PGA5: variants seen among roughly 807,000 people sequenced by gnomAD.
The protein encoded by PGA5 is pepsin A-5.
A neutral mutation model predicts 15.9 loss-of-function variants in PGA5; 19 were observed. The ratio of observed to expected loss-of-function variants is 1.19; its 90% confidence interval spans 0.83 to 1.75. The LOEUF is 1.75. Ranked by LOEUF, PGA5 falls within the 40% of genes most tolerant of loss-of-function variation. The pLI is 0.00. For synonymous variants in PGA5, 92 were observed against 95.8 expected (o/e 0.96, Z 0.23); for missense variants, 224 against 246.4 (o/e 0.91, Z 0.61).
At chr11:61,250,273 G>A (rs149660545) in intron 8 of PGA5, among the ~76,000 whole-genome samples, 23 of 151,270 alleles carry the variant, frequency 1.5e-4, no homozygotes, top group Non-Finnish European at 2.8e-4. Context: ...GGACCCCTGC[G>A]TCCAAGTCCT....
At chr11:61,245,517 G>T in intron 4 of PGA5, 1 of 4,192 alleles carries the variant, frequency 2.4e-4, no homozygotes, top group Admixed American at 7.8e-4. Flanking sequence ...GGGAGAGTCA[G>T]TAAAGGCTCA....
rs776342004 is a variant in PGA5 at position 61,248,289 on chromosome 11, C to T, written c.657-130C>T. 9 of 1,608,026 alleles carry T rather than the reference C, an allele frequency of 5.6e-6. 1 individual carries two copies. Among genetic ancestry groups the T allele is most frequent in the African/African-American group, 2.7e-5 (2 of 74,462 alleles). On this transcript the variant is annotated intron_variant, in intron 5 of 8. Transcript: ENST00000312403. ...GGCCCTGGCCTAAGAGGAAAAGAAA[C>T]CACATTGGTCACACCCCAGGACAGC...
Position 61,247,310 on chromosome 11 carries a change from G to A in PGA5, c.657-1109G>A, listed in dbSNP as rs999971413. Reference sequence around the variant, plus strand: ...TTTTTTTTTTTTGTGATGGGGTCTCGCTCTGTCGCCCAGGCTGGAGTGCAG... The same window carrying A: ...TTTTTTTTTTTTGTGATGGGGTCTCACTCTGTCGCCCAGGCTGGAGTGCAG... On this transcript the variant is annotated intron_variant, in intron 5 of 8. Coordinates refer to ENST00000312403, the MANE Select transcript of PGA5 (RefSeq NM_014224.5). 1.2e-4 allele frequency among the ~76,000 whole-genome samples: 18 copies of A among 149,142 alleles called. 1 individual carries two copies. The highest frequency in any genetic ancestry group is 3.8e-4 in the African/African-American group (15 of 39,992).
At chr11:61,246,474 A>G (rs949278175) in intron 5 of PGA5, among the ~76,000 whole-genome samples, 16 of 151,976 alleles carry the variant, frequency 1.1e-4, no homozygotes, top group Middle Eastern at 3.4e-3. Flanking sequence ...GAATACAGTT[A>G]GCCAGGCATG....
At position 61,249,856 on chromosome 11, in the gene PGA5, G is replaced by A. The variant is rs763770356; in HGVS notation, c.918+43G>A. On this transcript the variant is annotated intron_variant, in intron 7 of 8. Coordinates refer to ENST00000312403, the MANE Select transcript of PGA5 (RefSeq NM_014224.5). ...TGCCCTGTTCTACACTCAAGTAGTG[G>A]GTGTGCCAGGCAGAAGCGACGAAAA... The A allele has an allele frequency of 2.4e-5, 39 of 1,613,548 alleles. No individual in the cohort carries two copies. In the South Asian group the frequency reaches 4.0e-4, roughly 16 times the overall value.
intron 8 of PGA5, chr11:61,250,674 T>C: frequency 2.2e-6 from 1 of 462,376 alleles, no homozygotes; most frequent in South Asian, 1.5e-5. Flanking sequence ...GCCTGAGCAA[T>C]GGGATGGGGC....
At position 61,249,740 on chromosome 11, in the gene PGA5, T is replaced by C; in HGVS notation, c.845T>C (p.Leu282Pro). 1 of 1,613,582 alleles carries C rather than the reference T, an allele frequency of 6.2e-7. No individual in the cohort carries two copies. Among genetic ancestry groups the C allele is most frequent in the Non-Finnish European group, 8.5e-7 (1 of 1,179,852 alleles). ...GCCATTGTTGACACCGGCACCTCTC[T>C]GCTGACCGGCCCAACCAGCCCCATT... ...CQAIVDTGTS[L>P]LTGPTSPIAN... The change falls in exon 7 of 9, where the codon CTG (leucine) becomes CCG (proline). Residue 282 changes from leucine (L) to proline (P), a missense_variant. Physicochemically the swap from Leu to Pro is moderately conservative, Grantham distance 98. Transcript: ENST00000312403.
At chr11:61,250,768 T>C in intron 8 of PGA5, 1 of 492,120 alleles carries the variant, frequency 2.0e-6, no homozygotes, top group Non-Finnish European at 4.0e-6. Flanking sequence ...TAATAGCTCA[T>C]CTGGTTTGTC....
At position 61,248,473 on chromosome 11, in the gene PGA5, C is replaced by T. The variant is rs1269350012; in HGVS notation, c.711C>T (p.Tyr237=). ...VIFGGIDSSY[Y]TGSLNWVPVT... Reference sequence around the variant, plus strand: ...TTGGTGGCATTGACTCTTCTTACTACACTGGAAGTCTGAACTGGGTGCCTG... The same window carrying T: ...TTGGTGGCATTGACTCTTCTTACTATACTGGAAGTCTGAACTGGGTGCCTG... Residue 237 remains tyrosine, a synonymous_variant, in exon 6 of 9, where the codon TAC becomes TAT. Transcript: ENST00000312403. 3.1e-6 allele frequency: 5 copies of T among 1,613,640 alleles called. No homozygotes were observed. The highest frequency in any genetic ancestry group is 2.5e-6 in the Non-Finnish European group (3 of 1,179,876).
At chr11:61,251,077 G>A (rs571194142) in intron 8 of PGA5, 55 bp from the exon 9 acceptor site, 28 of 1,611,648 alleles carry the variant, frequency 1.7e-5, no homozygotes, top group African/African-American at 1.5e-4. Context: ...ATCACCCAGC[G>A]CCTATCACGG....
At position 61,248,005 on chromosome 11, in the gene PGA5, C is replaced by T. The variant is rs151214348; in HGVS notation, c.657-414C>T. On this transcript the variant is annotated intron_variant, in intron 5 of 8. Coordinates refer to ENST00000312403, the MANE Select transcript of PGA5 (RefSeq NM_014224.5). ...AGACATGCCCCTGGGGGCAAAACTG[C>T]TCCCAGCTAAGAACCAGTGACCTCC... The T allele has an allele frequency of 1.2e-3, 686 of 594,156 alleles. 11 individuals carry two copies. In the African/African-American group the frequency reaches 0.012, roughly 10 times the overall value. 36.8% of individuals were successfully genotyped at this position (594,156 alleles called of 1,614,324 possible). A position where few individuals can be genotyped will look rare whatever the true frequency, so the allele number is the denominator to read the frequency against.
At chr11:61,248,397 C>G in intron 5 of PGA5, 22 bp from the exon 6 acceptor site, 1 of 1,613,866 alleles carries the variant, frequency 6.2e-7, no homozygotes, top group South Asian at 1.1e-5. Context: ...AAATTCATGT[C>G]TTCTCCCCTC....
Position 61,247,986 on chromosome 11 carries a change from G to T in PGA5, c.657-433G>T, listed in dbSNP as rs186673051. 2,757 of 583,818 alleles carry T rather than the reference G, an allele frequency of 4.7e-3. 16 individuals carry two copies. The highest frequency in any genetic ancestry group is 5.4e-3 in the Non-Finnish European group (1,772 of 327,850). The allele number at this position is 583,818 out of a possible 1,614,324, so 36.2% of individuals were successfully genotyped here. ...GACAATCCAAAATGTCTCCAGACATGCCCCTGGGGGCAAAACTGCTCCCAG... is the reference window on the plus strand; with the variant it reads ...GACAATCCAAAATGTCTCCAGACATTCCCCTGGGGGCAAAACTGCTCCCAG... On this transcript the variant is annotated intron_variant, in intron 5 of 8. Coordinates refer to ENST00000312403, the MANE Select transcript of PGA5 (RefSeq NM_014224.5).
chr11:61,250,687 C>T (rs919679508), intron 8 of PGA5: 18 of 463,552 alleles, frequency 3.9e-5, no homozygotes, highest in African/African-American at 7.9e-5. Context: ...GATGGGGCTG[C>T]GGGGGTTCAA....
intron 5 of PGA5, among the ~76,000 whole-genome samples, 197 bp downstream of exon 5, chr11:61,246,342 G>A (rs1159883435): frequency 6.7e-6 from 1 of 150,194 alleles, no homozygotes; most frequent in African/African-American, 2.5e-5. Flanking sequence ...CGGGCCATGT[G>A]CACTCCATCT....
Position 61,250,031 on chromosome 11 carries a change from C to A in PGA5, c.1017+17C>A. ...ATCCTGCAGGTGAGGAGGCTCTGGA[C>A]CATCCACTAGAGAGGTTCACACAGA... On this transcript the variant is annotated intron_variant, in intron 8 of 8. Coordinates refer to ENST00000312403, the MANE Select transcript of PGA5 (RefSeq NM_014224.5). The A allele has an allele frequency of 6.2e-7, 1 of 1,605,352 alleles. No individual in the cohort carries two copies. Among genetic ancestry groups the A allele is most frequent in the South Asian group, 1.1e-5 (1 of 90,082 alleles).
intron 6 of PGA5, chr11:61,249,436 G>A: frequency 1.3e-6 from 1 of 788,066 alleles, no homozygotes; most frequent in South Asian, 1.8e-5. Flanking sequence ...GGAACTGTGA[G>A]GCTGTCTTGT....
chr11:61,249,388 C>T, intron 6 of PGA5: 1 of 574,718 alleles, frequency 1.7e-6, no homozygotes, highest in Non-Finnish European at 3.1e-6. Flanking sequence ...GCCAACATAA[C>T]TTATCTTGCC....
chr11:61,246,152 T>A lies in PGA5; in HGVS notation c.656+7T>A, dbSNP rs1854062637. ...TCTCTGTCTACCTCAGCGCGTAAGTTGAGTGGAGAGGGGCCTCCTCCCACC... is the reference window on the plus strand; with the variant it reads ...TCTCTGTCTACCTCAGCGCGTAAGTAGAGTGGAGAGGGGCCTCCTCCCACC... On this transcript the variant is annotated splice_region_variant and intron_variant, in intron 5 of 8. Coordinates refer to ENST00000312403, the MANE Select transcript of PGA5 (RefSeq NM_014224.5). The A allele has an allele frequency of 2.6e-6, 1 of 381,966 alleles. No homozygotes were observed. The highest frequency in any genetic ancestry group is 4.7e-6 in the Non-Finnish European group (1 of 214,104). 23.7% of individuals were successfully genotyped at this position (381,966 alleles called of 1,614,324 possible). A position where few individuals can be genotyped will look rare whatever the true frequency, so the allele number is the denominator to read the frequency against.
Sources: gnomAD v4.1 joint callset for allele counts (sites outside exome capture counted in the v4.1 genomes callset) on GRCh38, gnomAD v4.1.1 for gene constraint, MANE v1.5 for transcripts, NCBI Gene and HGNC (gene_info 2026-07-23, HGNC 2026-07-21) for gene names.